GNA14: variants seen among roughly 807,000 people sequenced by gnomAD.
GNA14 encodes guanine nucleotide-binding protein subunit alpha-14.
Under a neutral mutation model 42.0 loss-of-function variants are expected in GNA14, and 50 were observed. The observed-to-expected ratio is 1.19, with a 90% CI of 0.95 to 1.51. GNA14 has a LOEUF of 1.51. GNA14 is among the 40% of genes most tolerant of loss of function. The pLI is 0.00. For missense variants in GNA14, 473 were observed against 446.2 expected (o/e 1.06, Z -0.54); for synonymous variants, 173 against 163.1 (o/e 1.06, Z -0.46).
chr9:77,502,525 T>A (rs1039910523), intron 2 of GNA14, among the ~76,000 whole-genome samples: 7 of 152,120 alleles, frequency 4.6e-5, no homozygotes. Flanking sequence ...CACTGAGACC[T>A]CCCTGCTGGG....
chr9:77,512,216 T>C (rs1421433462), intron 2 of GNA14, among the ~76,000 whole-genome samples: 1 of 152,160 alleles, frequency 6.6e-6, no homozygotes, highest in African/African-American at 2.4e-5. Flanking sequence ...AAATCTGTAA[T>C]AACATAAATT....
At chr9:77,455,996 G>A (rs1207563818) in intron 2 of GNA14, among the ~76,000 whole-genome samples, 1 of 152,100 alleles carries the variant, frequency 6.6e-6, no homozygotes, top group Non-Finnish European at 1.5e-5. Context: ...AGCCTCTAAT[G>A]TGTTGTATAA....
chr9:77,446,070 C>G (rs1383888141), intron 2 of GNA14, among the ~76,000 whole-genome samples: 2 of 152,192 alleles, frequency 1.3e-5, no homozygotes, highest in Non-Finnish European at 2.9e-5. Flanking sequence ...GGCGGGGACT[C>G]TGCAGGGAAA....
intron 1 of GNA14, among the ~76,000 whole-genome samples, chr9:77,578,184 G>C (rs886723126): frequency 6.6e-6 from 1 of 152,234 alleles, no homozygotes; most frequent in African/African-American, 2.4e-5. Flanking sequence ...GCTGAGGCAG[G>C]AGAATCGCTT....
At chr9:77,466,490 C>T (rs1178326076) in intron 2 of GNA14, among the ~76,000 whole-genome samples, 1 of 152,138 alleles carries the variant, frequency 6.6e-6, no homozygotes, top group African/African-American at 2.4e-5. Flanking sequence ...TGTATTCAGT[C>T]ATTGTTGTCA....
At chr9:77,641,852 G>T (rs1316506809) in intron 1 of GNA14, among the ~76,000 whole-genome samples, 1 of 152,132 alleles carries the variant, frequency 6.6e-6, no homozygotes, top group African/African-American at 2.4e-5. Context: ...TTATGTAAGA[G>T]ATTATCCCTA....
chr9:77,587,773 T>C (rs1158257686), intron 1 of GNA14, among the ~76,000 whole-genome samples: 2 of 152,216 alleles, frequency 1.3e-5, no homozygotes, highest in African/African-American at 2.4e-5. Flanking sequence ...AAATGGTTGC[T>C]TTTATTCAGT....
At chr9:77,575,148 A>G (rs1371312401) in intron 1 of GNA14, among the ~76,000 whole-genome samples, 1 of 152,234 alleles carries the variant, frequency 6.6e-6, no homozygotes, top group Non-Finnish European at 1.5e-5. Context: ...AGCGGAAGGT[A>G]GCTGGTATGG....
intron 2 of GNA14, among the ~76,000 whole-genome samples, chr9:77,515,969 A>AAAAAAAAAAAAC (rs1837249965): frequency 1.4e-5 from 2 of 148,002 alleles, no homozygotes; most frequent in Admixed American, 1.3e-4. Context: ...ACAAAAAAAA[A>AAAAAAAAAAAAC]AAAAAAAAAA....
At chr9:77,589,491 A>G (rs1003989533) in intron 1 of GNA14, among the ~76,000 whole-genome samples, 2 of 152,004 alleles carry the variant, frequency 1.3e-5, no homozygotes, top group African/African-American at 2.4e-5. Context: ...TAGGGTTCAG[A>G]TATCACTTAT....
At chr9:77,495,939 T>C (rs1836861941) in intron 2 of GNA14, among the ~76,000 whole-genome samples, 1 of 152,176 alleles carries the variant, frequency 6.6e-6, no homozygotes, top group African/African-American at 2.4e-5. Context: ...CCAGAGAGGA[T>C]AATGTTTCAT....
chr9:77,554,896 C>A (rs889033689), intron 1 of GNA14, among the ~76,000 whole-genome samples: 6 of 152,152 alleles, frequency 3.9e-5, no homozygotes, highest in African/African-American at 1.4e-4. Flanking sequence ...AAAAATGATA[C>A]TTTTCCTCCA....
intron 1 of GNA14, among the ~76,000 whole-genome samples, chr9:77,622,674 C>A (rs186814644): frequency 1.4e-3 from 199 of 146,976 alleles, no homozygotes; most frequent in Middle Eastern, 7.3e-3. Flanking sequence ...ATCACGAAGT[C>A]AGGAGATTGA....
At chr9:77,574,719 A>G (rs1180815192) in intron 1 of GNA14, among the ~76,000 whole-genome samples, 1 of 152,188 alleles carries the variant, frequency 6.6e-6, no homozygotes, top group East Asian at 1.9e-4. Flanking sequence ...GCTTAATATA[A>G]TATTTTTCTT....
At chr9:77,459,690 C>A (rs1384716215) in intron 2 of GNA14, among the ~76,000 whole-genome samples, 2 of 152,142 alleles carry the variant, frequency 1.3e-5, no homozygotes, top group Admixed American at 6.5e-5. Flanking sequence ...AATGCCTGAT[C>A]CCTCAACAAT....
At chr9:77,570,992 C>T (rs117273178) in intron 1 of GNA14, among the ~76,000 whole-genome samples, 1 of 152,064 alleles carries the variant, frequency 6.6e-6, no homozygotes, top group Non-Finnish European at 1.5e-5. Context: ...AAGTGCTAGG[C>T]ATACCTTACT....
At chr9:77,633,586 T>C (rs1003371071) in intron 1 of GNA14, among the ~76,000 whole-genome samples, 3 of 151,990 alleles carry the variant, frequency 2.0e-5, no homozygotes, top group Admixed American at 6.6e-5. Flanking sequence ...GAATAGTGAA[T>C]TTGGGGCTAG....
At chr9:77,585,566 T>G (rs1198019598) in intron 1 of GNA14, among the ~76,000 whole-genome samples, 1 of 152,200 alleles carries the variant, frequency 6.6e-6, no homozygotes, top group Non-Finnish European at 1.5e-5. Flanking sequence ...CTCTGACCAT[T>G]ACTCCAATGG....
chr9:77,493,003 GAAAAAAA>G (rs56355394), intron 2 of GNA14, among the ~76,000 whole-genome samples: 1 of 39,862 alleles, frequency 2.5e-5, no homozygotes, highest in Admixed American at 3.3e-4. Context: ...TCCGTCTCAG[GAAAAAAA>G]AAAAAAAAAA....
Sources: allele counts gnomAD v4.1 joint callset (sites outside exome capture counted in the v4.1 genomes callset), GRCh38; gene constraint gnomAD v4.1.1; transcripts MANE v1.5; gene names NCBI Gene and HGNC (gene_info 2026-07-23, HGNC 2026-07-21).